The following NPAS4 variants were observed in gnomAD, a reference collection of about 807,000 sequenced individuals.
NPAS4 encodes the protein neuronal PAS domain-containing protein 4.
NPAS4 carries 10 observed loss-of-function variants against 64.0 expected under a neutral mutation model. That is an observed-to-expected ratio of 0.16 (90% CI 0.10 to 0.26). The LOEUF is 0.26. Ranked by LOEUF, NPAS4 falls within the 10% of genes least tolerant of loss-of-function variation. The probability of loss-of-function intolerance (pLI) is 1.00; values close to 1 mark genes in which losing one functional copy is unlikely to be tolerated. For synonymous variants in NPAS4, 441 were observed against 411.7 expected, an observed-to-expected ratio of 1.07 and a Z score of -0.86; for missense variants, 886 against 992.6, an observed-to-expected ratio of 0.89 and a Z score of 1.44.
At chr11:66,420,398 GC>G (rs558158371), upstream of NPAS4, among the ~76,000 whole-genome samples, 94 of 152,306 alleles carry the variant, frequency 6.2e-4, 1 homozygote, top group South Asian at 7.3e-3. Context: ...CCCCTGATAA[GC>G]CGCCAAGGCC....
In NPAS4 at chr11:66,422,652, G is replaced by A. The variant is rs1227599981; in HGVS notation, c.431-22G>A. On this transcript the variant is annotated intron_variant, in intron 3 of 7. Transcript: ENST00000311034. ...CTCTCAGCCACTCACCCTCTTATCT[G>A]TTTTTCTCTTCATCTATCTAGATCG... The A allele has an allele frequency of 2.5e-6, 4 of 1,613,124 alleles. No homozygotes were observed. The Admixed American group carries it at 6.7e-5, about 27-fold the overall frequency.
At chr11:66,420,127 C>T (rs529178088), upstream of NPAS4, among the ~76,000 whole-genome samples, 615 of 152,346 alleles carry the variant, frequency 4.0e-3, 2 homozygotes, top group African/African-American at 0.014. Flanking sequence ...GGGAAGCGCT[C>T]GCTTGGGGGC....
the NPAS4 span, chr11:66,410,192 C>T: frequency 6.6e-6 from 1 of 152,334 alleles, no homozygotes; most frequent in Non-Finnish European, 1.5e-5. Context: ...GGGAGGGCAG[C>T]TGAGAAGTGC....
upstream of NPAS4, among the ~76,000 whole-genome samples, chr11:66,420,101 C>A (rs566891356): frequency 2.6e-5 from 4 of 152,340 alleles, no homozygotes; most frequent in East Asian, 7.7e-4. Flanking sequence ...GAGACAGAGG[C>A]TGGCAGCAGG....
chr11:66,423,007 G>A (rs995173215), intron 4 of NPAS4, 66 bp downstream of exon 4: 48 of 1,567,246 alleles, frequency 3.1e-5, no homozygotes, highest in Non-Finnish European at 4.1e-5. Flanking sequence ...CTAGATTCTG[G>A]AGTCAGGGGC....
At position 66,423,704 on chromosome 11, in the gene NPAS4, A is replaced by G; in HGVS notation, c.935A>G (p.Tyr312Cys). The change falls in exon 6 of 8, where the codon TAC (tyrosine) becomes TGC (cysteine). Residue 312 changes from tyrosine (Y) to cysteine (C), a missense_variant. Physicochemically the swap from Tyr to Cys is radical, Grantham distance 194. Around this residue, in one of 3 missense-constraint regions of NPAS4, gnomAD observed 820 missense variants for 855.5 expected, o/e 0.96. Transcript: ENST00000311034. The part of the protein sequence containing the change: ...GPEGPITANN[Y>C]PISDMEAWSL... ...GAGGGACCCATTACTGCCAATAACT[A>G]CCCAATCAGGTAAGCCACAAGCCAG... 2 of 1,614,110 alleles carry G rather than the reference A, an allele frequency of 1.2e-6. No homozygotes were observed. The highest frequency in any genetic ancestry group is 1.3e-5 in the African/African-American group (1 of 75,018).
rs940869770 is a variant in NPAS4 at position 66,423,118 on chromosome 11, C to T, written c.699-5C>T. 6 of 1,595,490 alleles carry T rather than the reference C, an allele frequency of 3.8e-6. No individual in the cohort carries two copies. The African/African-American group carries it at 6.7e-5, about 18-fold the overall frequency. ...AAGCTGACCTCACCCTTTCCACCTT[C>T]CCAGTGTCCTAATCTACCTGGGCTT... On this transcript the variant is annotated splice_polypyrimidine_tract_variant and splice_region_variant and intron_variant, in intron 4 of 7. Coordinates refer to ENST00000311034, the MANE Select transcript of NPAS4 (RefSeq NM_178864.4).
At chr11:66,416,471 C>T (rs543327983), upstream of NPAS4, among the ~76,000 whole-genome samples, 2 of 152,276 alleles carry the variant, frequency 1.3e-5, no homozygotes, top group East Asian at 3.9e-4. Context: ...GGTGGCCAGG[C>T]TTTGGAGGAG....
intron 7 of NPAS4, 79 bp downstream of exon 7, chr11:66,425,349 C>T (rs1366664818): frequency 8.1e-6 from 6 of 742,806 alleles, no homozygotes; most frequent in Non-Finnish European, 1.1e-5. Context: ...CAAATCAATT[C>T]CCCCTCTCTG....
chr11:66,423,275 A>G (rs1206889135), intron 5 of NPAS4, 43 bp downstream of exon 5: 1 of 1,308,670 alleles, frequency 7.6e-7, no homozygotes, highest in African/African-American at 1.5e-5. Flanking sequence ...CAAGCTGGGA[A>G]AGGGCATGGG....
rs545244293 is a variant in NPAS4, at chr11:66,422,320, C to T, written c.327+49C>T. 4.0e-5 allele frequency: 63 copies of T among 1,594,012 alleles called. 1 individual carries two copies. The South Asian group carries it at 5.1e-4, about 13-fold the overall frequency. On this transcript the variant is annotated intron_variant, in intron 2 of 7. Coordinates refer to ENST00000311034, the MANE Select transcript of NPAS4 (RefSeq NM_178864.4). Reference sequence around the variant, plus strand: ...CTGAGGCTGGGCATGGAGTGGGTGCCGTGAGCCTTCCACTCCTGAGGAACT... The same window carrying T: ...CTGAGGCTGGGCATGGAGTGGGTGCTGTGAGCCTTCCACTCCTGAGGAACT...
intron 3 of NPAS4, 33 bp from the exon 4 acceptor site, chr11:66,422,641 C>G (rs748186845): frequency 6.2e-7 from 1 of 1,611,822 alleles, no homozygotes; most frequent in Admixed American, 1.7e-5. Context: ...CAGCCACTCA[C>G]CCTCTTATCT....
Position 66,422,897 on chromosome 11 carries a change from G to A in NPAS4, c.654G>A (p.Gln218=), listed in dbSNP as rs373025955. The A allele has an allele frequency of 1.9e-6, 3 of 1,609,182 alleles. No homozygotes were observed. In the African/African-American group the frequency reaches 4.0e-5, roughly 21 times the overall value. The stretch of plus-strand genomic sequence containing the variant: ...CCTCGCTCTTCCTGGCCATGTTCCA[G>A]AGCCGCCATGCTAAAGACCTGGCTC... ...GPASLFLAMF[Q]SRHAKDLALL... Residue 218 remains glutamine (Q), a synonymous_variant, in exon 4 of 8, where the codon CAG becomes CAA. Coordinates refer to ENST00000311034, the MANE Select transcript of NPAS4 (RefSeq NM_178864.4).
chr11:66,412,256 C>T, the NPAS4 span, among the ~76,000 whole-genome samples: 1 of 152,244 alleles, frequency 6.6e-6, no homozygotes, highest in South Asian at 2.1e-4. Flanking sequence ...GTGTTGGGCC[C>T]GGCCCGGGAC....
Position 66,421,216 on chromosome 11 carries a change from C to A in NPAS4, c.37C>A (p.Arg13=). The stretch of plus-strand genomic sequence containing the variant: ...CACCAAGGGCGCCTCCAAGGCGCGC[C>A]GGGACCAGATCAACGCCGAGATCCG... ...RSTKGASKAR[R]DQINAEIRNL... is the part of the protein sequence containing the mutation. Residue 13 remains arginine, a synonymous_variant, in exon 1 of 8, where the codon CGG becomes AGG. Coordinates refer to ENST00000311034, the MANE Select transcript of NPAS4 (RefSeq NM_178864.4). 3.1e-6 allele frequency: 5 copies of A among 1,613,020 alleles called. No homozygotes were observed. The highest frequency in any genetic ancestry group is 4.2e-6 in the Non-Finnish European group (5 of 1,179,580).
In NPAS4 at chr11:66,424,806, T is replaced by A; in HGVS notation, c.1916T>A (p.Ile639Asn). The change falls in exon 7 of 8, where the codon ATT (isoleucine) becomes AAT (asparagine). Residue 639 changes from isoleucine (I) to asparagine (N), a missense_variant. Around this residue, in one of 3 missense-constraint regions of NPAS4, gnomAD observed 820 missense variants for 855.5 expected, o/e 0.96. Coordinates refer to ENST00000311034, the MANE Select transcript of NPAS4 (RefSeq NM_178864.4). ...GAGATAGACCGTCTCATCCAGCAGATTAGCCAATTGGCTCAGGGCATGGAC... is the reference window on the plus strand; with the variant it reads ...GAGATAGACCGTCTCATCCAGCAGAATAGCCAATTGGCTCAGGGCATGGAC... ...QNEIDRLIQQ[I>N]SQLAQGMDRP... 1 of 1,614,008 alleles carries A rather than the reference T, an allele frequency of 6.2e-7. No individual in the cohort carries two copies. Among genetic ancestry groups the A allele is most frequent in the Non-Finnish European group, 8.5e-7 (1 of 1,179,992 alleles).
Position 66,424,166 on chromosome 11 carries a change from T to C in NPAS4, c.1276T>C (p.Tyr426His), listed in dbSNP as rs1477569686. The change falls in exon 7 of 8, where the codon TAC (tyrosine) becomes CAC (histidine). Residue 426 changes from tyrosine to histidine, a missense_variant. Physicochemically the swap from Tyr to His is moderately conservative, Grantham distance 83. Around this residue, in one of 3 missense-constraint regions of NPAS4, gnomAD observed 820 missense variants for 855.5 expected, o/e 0.96. Coordinates refer to ENST00000311034, the MANE Select transcript of NPAS4 (RefSeq NM_178864.4). Reference protein sequence around the residue: ...LSKDLVCTPPYTPHQPGGCAF... With the variant: ...LSKDLVCTPPHTPHQPGGCAF... ...CAAGGATCTTGTGTGCACTCCACCTTACACGCCCCATCAGCCAGGAGGCTG... is the reference window on the plus strand; with the variant it reads ...CAAGGATCTTGTGTGCACTCCACCTCACACGCCCCATCAGCCAGGAGGCTG... 1.2e-6 allele frequency: 2 copies of C among 1,613,910 alleles called. No homozygotes were observed. The highest frequency in any genetic ancestry group is 2.7e-5 in the African/African-American group (2 of 74,884).
At position 66,423,698 on chromosome 11, in the gene NPAS4, A is replaced by G. The variant is rs761478811; in HGVS notation, c.929A>G (p.Asn310Ser). Residue 310 changes from asparagine to serine, a missense_variant, in exon 6 of 8, where the codon AAT becomes AGT. Coordinates refer to ENST00000311034, the MANE Select transcript of NPAS4 (RefSeq NM_178864.4). ...SEGPEGPITA[N>S]NYPISDMEAW... ...GGTCCAGAGGGACCCATTACTGCCA[A>G]TAACTACCCAATCAGGTAAGCCACA... 5.6e-6 allele frequency: 9 copies of G among 1,614,060 alleles called. No individual in the cohort carries two copies. The highest frequency in any genetic ancestry group is 4.0e-5 in the African/African-American group (3 of 74,926).
In NPAS4 at chr11:66,421,212, G is replaced by A. The variant is rs1428703116; in HGVS notation, c.33G>A (p.Ala11=). 1.9e-5 allele frequency: 30 copies of A among 1,612,714 alleles called. No homozygotes were observed. The highest frequency in any genetic ancestry group is 2.5e-5 in the Non-Finnish European group (29 of 1,179,522). Residue 11 remains alanine, a synonymous_variant, in exon 1 of 8, where the codon GCG becomes GCA. Transcript: ENST00000311034. MYRSTKGASK[A]RRDQINAEIR... ...GCTCCACCAAGGGCGCCTCCAAGGC[G>A]CGCCGGGACCAGATCAACGCCGAGA...
Sources: gnomAD v4.1 joint callset for allele counts (sites outside exome capture counted in the v4.1 genomes callset) on GRCh38, gnomAD v4.1.1 for gene constraint, gnomAD v4.1.1 regional missense constraint, MANE v1.5 for transcripts, NCBI Gene and HGNC (gene_info 2026-07-23, HGNC 2026-07-21) for gene names.